Variants in CDO1 observed in about 807,000 individuals in gnomAD.
CDO1 encodes the protein cysteine dioxygenase, type I.
A neutral mutation model predicts 24.5 loss-of-function variants in CDO1; 19 were observed. The observed-to-expected ratio is 0.77, with a 90% CI of 0.54 to 1.14. The LOEUF (loss-of-function observed/expected upper bound fraction) is 1.14. CDO1 is among the 50% of genes most tolerant of loss of function. CDO1 has a pLI of 0.00. For synonymous variants in CDO1, 91 were observed against 87.0 expected, an observed-to-expected ratio of 1.05 and a Z score of -0.26; for missense variants, 244 against 244.8, an observed-to-expected ratio of 1.00 and a Z score of 0.02.
intron 2 of CDO1, among the ~76,000 whole-genome samples, chr5:115,811,710 G>C (rs1760195633): frequency 6.6e-6 from 1 of 152,160 alleles, no homozygotes; most frequent in African/African-American, 2.4e-5. Context: ...AAAGGATTAA[G>C]ACAATCATCC....
In CDO1 at chr5:115,813,239, C is replaced by T; in HGVS notation, c.190G>A (p.Asp64Asn). ...AGATTAAATTTTCCATTTCCTTGAT[C>T]CACAAGATTTCGGGTATACCTAAAA... ...DQYRYTRNLV[D>N]QGNGKFNLMI... The change falls in exon 2 of 5, where the codon GAT (aspartate) becomes AAT (asparagine). Residue 64 changes from aspartate (D) to asparagine (N), a missense_variant. Physicochemically the swap from Asp to Asn is conservative, Grantham distance 23 (BLOSUM62 1). Transcript: ENST00000250535. The T allele has an allele frequency of 1.3e-6, 2 of 1,598,544 alleles. No individual in the cohort carries two copies. Among genetic ancestry groups the T allele is most frequent in the Non-Finnish European group, 1.7e-6 (2 of 1,166,326 alleles).
intron 3 of CDO1, among the ~76,000 whole-genome samples, chr5:115,808,261 G>C (rs886064583): frequency 3.9e-5 from 6 of 152,110 alleles, no homozygotes; most frequent in Admixed American, 1.3e-4. Flanking sequence ...TTACAGGTGT[G>C]AGTCACCACA....
In CDO1 at chr5:115,812,974, G is replaced by A. The variant is rs375800145; in HGVS notation, c.248+207C>T. On this transcript the variant is annotated intron_variant, in intron 2 of 4. Transcript: ENST00000250535. ...AGGCAGGAGAATTGCTTGAACCCAG[G>A]AGGCAGAAGTTGCAGTGAGCTGAGA... 2.0e-5 allele frequency among the ~76,000 whole-genome samples: 3 copies of A among 147,950 alleles called. No homozygotes were observed. In the South Asian group the frequency reaches 6.4e-4, roughly 32 times the overall value.
chr5:115,805,523 C>T (rs1405265218), intron 4 of CDO1, 61 bp from the exon 5 acceptor site: 4 of 1,480,464 alleles, frequency 2.7e-6, no homozygotes, highest in African/African-American at 2.8e-5. Context: ...ATTTTAACTC[C>T]TTCTAAATAG....
At position 115,805,412 on chromosome 5, in the gene CDO1, C is replaced by T. The variant is rs1759900015; in HGVS notation, c.*21G>A. ...ACATACAGCGAACCTTAAAGTAAAACCTCAGAGGGTTTGGTGCCCCTTAGT... is the reference window on the plus strand; with the variant it reads ...ACATACAGCGAACCTTAAAGTAAAATCTCAGAGGGTTTGGTGCCCCTTAGT... On this transcript the variant is annotated 3_prime_UTR_variant, in exon 5 of 5. Coordinates refer to ENST00000250535, the MANE Select transcript of CDO1 (RefSeq NM_001801.3). 1.2e-6 allele frequency: 2 copies of T among 1,612,384 alleles called. No homozygotes were observed. Among genetic ancestry groups the T allele is most frequent in the Admixed American group, 3.3e-5 (2 of 59,822 alleles).
At chr5:115,806,695 C>T (rs1282456651) in intron 3 of CDO1, among the ~76,000 whole-genome samples, 177 bp from the exon 4 acceptor site, 2 of 152,154 alleles carry the variant, frequency 1.3e-5, no homozygotes, top group African/African-American at 4.8e-5. Context: ...AGCCTCTGCT[C>T]CTTCCTGAAA....
Position 115,816,389 on chromosome 5 carries a change from C to A in CDO1, c.9G>T (p.Gln3His). Residue 3 changes from glutamine (Q) to histidine (H), a missense_variant, in exon 1 of 5, where the codon CAG (glutamine) becomes CAT (histidine). Physicochemically the swap from Gln to His is conservative, Grantham distance 24 (BLOSUM62 0). Coordinates refer to ENST00000250535, the MANE Select transcript of CDO1 (RefSeq NM_001801.3). ...GGGTCCGTGGCTTCAGCACTTCGGT[C>A]TGTTCCATCTCGTGGGGAGCTGGCT... is the stretch of plus-strand genomic sequence containing the variant. ME[Q>H]TEVLKPRTLA... 1 of 1,613,084 alleles carries A rather than the reference C, an allele frequency of 6.2e-7. No homozygotes were observed. Among genetic ancestry groups the A allele is most frequent in the South Asian group, 1.1e-5 (1 of 91,042 alleles).
intron 1 of CDO1, 110 bp downstream of exon 1, chr5:115,816,118 C>G (rs941379989): frequency 8.7e-7 from 1 of 1,151,312 alleles, no homozygotes; most frequent in Non-Finnish European, 1.2e-6. Flanking sequence ...GCGGACGCAG[C>G]GCGGCCCGAG....
At chr5:115,811,123 T>C (rs1296160383) in intron 3 of CDO1, 38 bp downstream of exon 3, 2 of 1,586,060 alleles carry the variant, frequency 1.3e-6, no homozygotes, top group Admixed American at 1.7e-5. Context: ...AGGTCATGGT[T>C]CTTCCCACTT....
rs368362638 is a variant in CDO1 at position 115,807,068 on chromosome 5, A to G, written c.404-550T>C. On this transcript the variant is annotated intron_variant, in intron 3 of 4. Transcript: ENST00000250535. Reference sequence around the variant, plus strand: ...GCAGAGTAAGGTCTAGTCTCTAGAAAGAGTGTAAGAGATCAACTTGGGACT... The same window carrying G: ...GCAGAGTAAGGTCTAGTCTCTAGAAGGAGTGTAAGAGATCAACTTGGGACT... Among the ~76,000 whole-genome samples the G allele has an allele frequency of 2.6e-5, 4 of 152,320 alleles. No homozygotes were observed. The East Asian group carries it at 7.7e-4, about 29-fold the overall frequency.
intron 3 of CDO1, among the ~76,000 whole-genome samples, chr5:115,810,717 C>T (rs900370313): frequency 1.3e-5 from 2 of 152,112 alleles, no homozygotes; most frequent in Non-Finnish European, 2.9e-5. Flanking sequence ...TGGCCAATAA[C>T]GTGCTTTGTA....
chr5:115,811,088 G>T (rs1162138002), intron 3 of CDO1, 73 bp downstream of exon 3: 26 of 1,366,252 alleles, frequency 1.9e-5, no homozygotes, highest in Middle Eastern at 1.8e-4. Flanking sequence ...CATAAAAAGT[G>T]TAAGTAACCA....
In CDO1 at chr5:115,811,332, T is replaced by C. The variant is rs778770789; in HGVS notation, c.249-17A>G. 1 of 1,604,256 alleles carries C rather than the reference T, an allele frequency of 6.2e-7. No individual in the cohort carries two copies. The highest frequency in any genetic ancestry group is 8.5e-7 in the Non-Finnish European group (1 of 1,173,206). On this transcript the variant is annotated splice_polypyrimidine_tract_variant and intron_variant, in intron 2 of 4. Transcript: ENST00000250535. ...TGAATACTGCTATATGTACACAAAA[T>C]GACAACTGAACTCAGTAGATGGTCT...
chr5:115,808,927 C>A (rs1387537106), intron 3 of CDO1, among the ~76,000 whole-genome samples: 3 of 152,140 alleles, frequency 2.0e-5, no homozygotes, highest in Non-Finnish European at 4.4e-5. Flanking sequence ...AAGAATGAAG[C>A]ATAGAACCAG....
intron 1 of CDO1, among the ~76,000 whole-genome samples, chr5:115,815,448 A>G (rs534364941): frequency 8.7e-4 from 133 of 152,330 alleles, no homozygotes; most frequent in African/African-American, 3.0e-3. Flanking sequence ...AAGCAAGGAT[A>G]AGATAAATCA....
chr5:115,806,957 T>C (rs1288434173), intron 3 of CDO1, among the ~76,000 whole-genome samples: 1 of 152,228 alleles, frequency 6.6e-6, no homozygotes, highest in African/African-American at 2.4e-5. Flanking sequence ...AGATAGGCTG[T>C]AGATATAAGA....
intron 2 of CDO1, 37 bp from the exon 3 acceptor site, chr5:115,811,352 TG>T: frequency 6.5e-7 from 1 of 1,547,040 alleles, no homozygotes; most frequent in Non-Finnish European, 8.9e-7. Flanking sequence ...ACTCAGTAGA[TG>T]GTCTAGTATC....
Position 115,816,467 on chromosome 5 carries a change from G to T in CDO1, c.-70C>A. The stretch of plus-strand genomic sequence containing the variant: ...GTGGAGGAGCTGAGCGAGCCAAGGA[G>T]CTGGGGGCGAGGGAGCCTAACAGCC... On this transcript the variant is annotated 5_prime_UTR_variant, in exon 1 of 5. Coordinates refer to ENST00000250535, the MANE Select transcript of CDO1 (RefSeq NM_001801.3). 1 of 1,565,484 alleles carries T rather than the reference G, an allele frequency of 6.4e-7. No individual in the cohort carries two copies. The highest frequency in any genetic ancestry group is 8.7e-7 in the Non-Finnish European group (1 of 1,150,502).
In CDO1 at chr5:115,816,477, A is replaced by C; in HGVS notation, c.-80T>G. On this transcript the variant is annotated 5_prime_UTR_variant, in exon 1 of 5. Transcript: ENST00000250535. Reference sequence around the variant, plus strand: ...TGAGCGAGCCAAGGAGCTGGGGGCGAGGGAGCCTAACAGCCCGCTAGACCG... The same window carrying C: ...TGAGCGAGCCAAGGAGCTGGGGGCGCGGGAGCCTAACAGCCCGCTAGACCG... The C allele has an allele frequency of 2.0e-6, 3 of 1,516,796 alleles. No homozygotes were observed. Among genetic ancestry groups the C allele is most frequent in the Non-Finnish European group, 2.7e-6 (3 of 1,110,366 alleles). The allele number at this position is 1,516,796 out of a possible 1,614,324, so 94.0% of individuals were successfully genotyped here.
Sources: allele counts gnomAD v4.1 joint callset (sites outside exome capture counted in the v4.1 genomes callset), GRCh38; gene constraint gnomAD v4.1.1; transcripts MANE v1.5; gene names NCBI Gene and HGNC (gene_info 2026-07-23, HGNC 2026-07-21).